The following PRXL2A variants were observed in gnomAD, a reference collection of about 807,000 sequenced individuals.
PRXL2A encodes peroxiredoxin-like 2A.
PRXL2A carries 26 observed loss-of-function variants against 25.6 expected under a neutral mutation model. The ratio of observed to expected loss-of-function variants is 1.02; its 90% confidence interval spans 0.74 to 1.41. The LOEUF is 1.41. PRXL2A is among the 40% of genes most tolerant of loss of function. The pLI is 0.00. For missense variants in PRXL2A, 246 were observed against 273.9 expected (o/e 0.90, Z 0.72); for synonymous variants, 98 against 102.9 (o/e 0.95, Z 0.29).
chr10:80,417,628 C>G (rs1037680864), intron 1 of PRXL2A, among the ~76,000 whole-genome samples: 1 of 152,142 alleles, frequency 6.6e-6, no homozygotes, highest in African/African-American at 2.4e-5. Context: ...CACACAGGCA[C>G]TGATTTTCCC....
At chr10:80,408,457 C>G (rs1178813082), upstream of PRXL2A, 1 of 152,454 alleles carries the variant, frequency 6.6e-6, no homozygotes, top group Non-Finnish European at 1.5e-5. Context: ...CGGGGGCAGG[C>G]CCGGAGCTCC....
chr10:80,436,950 T>C lies in PRXL2A; in HGVS notation c.*4851T>C, dbSNP rs1202439655. ...TTGCTGGGTTTCCCCTCTCAGTCTA[T>C]TACTATTAGATCATACCCTTCTTGT... On this transcript the variant is annotated 3_prime_UTR_variant, in exon 6 of 6. Transcript: ENST00000606162. 6.6e-6 allele frequency: 1 copy of C among 152,276 alleles called. No homozygotes were observed. The highest frequency in any genetic ancestry group is 2.4e-5 in the African/African-American group (1 of 41,434). 9.4% of individuals were successfully genotyped at this position (152,276 alleles called of 1,614,324 possible). A position where few individuals can be genotyped will look rare whatever the true frequency, so the allele number is the denominator to read the frequency against.
At chr10:80,412,610 A>C (rs1432677701) in intron 1 of PRXL2A, among the ~76,000 whole-genome samples, 1 of 152,196 alleles carries the variant, frequency 6.6e-6, no homozygotes, top group African/African-American at 2.4e-5. Context: ...GTGCGCACAC[A>C]CATGCACGCT....
chr10:80,409,069 G>A (rs1043581553), intron 1 of PRXL2A: 2 of 985,456 alleles, frequency 2.0e-6, no homozygotes, highest in Non-Finnish European at 2.4e-6. Flanking sequence ...CCAGCCCCAG[G>A]TGCGGACCTG....
intron 3 of PRXL2A, among the ~76,000 whole-genome samples, chr10:80,423,006 C>T (rs1013131883): frequency 3.9e-5 from 6 of 152,194 alleles, no homozygotes; most frequent in African/African-American, 1.4e-4. Context: ...CAGCTGAGAG[C>T]CACATTCTCA....
chr10:80,422,498 T>A lies in PRXL2A; in HGVS notation c.260T>A (p.Leu87His), dbSNP rs1473578360. 1 of 1,613,752 alleles carries A rather than the reference T, an allele frequency of 6.2e-7. No individual in the cohort carries two copies. Among genetic ancestry groups the A allele is most frequent in the Non-Finnish European group, 8.5e-7 (1 of 1,179,770 alleles). The change falls in exon 3 of 6, where the codon CTC (leucine) becomes CAC (histidine). Residue 87 changes from leucine (L) to histidine (H), a missense_variant. Physicochemically the swap from Leu to His is moderately conservative, Grantham distance 99. Coordinates refer to ENST00000606162, the MANE Select transcript of PRXL2A (RefSeq NM_032333.5). ...GCCGTGCGGAGGCCAGGCTGTTTCCTCTGTCGAGAGGTGAGTGCAGATGAG... is the reference window on the plus strand; with the variant it reads ...GCCGTGCGGAGGCCAGGCTGTTTCCACTGTCGAGAGGTGAGTGCAGATGAG... ...IMAVRRPGCF[L>H]CREEAADLSS...
chr10:80,428,648 G>A (rs1845132595), intron 5 of PRXL2A, among the ~76,000 whole-genome samples: 1 of 152,078 alleles, frequency 6.6e-6, no homozygotes, highest in Admixed American at 6.6e-5. Flanking sequence ...CAGCCTAGGG[G>A]ACAGGGCAAG....
chr10:80,422,154 A>G (rs553092137), intron 2 of PRXL2A, among the ~76,000 whole-genome samples: 158 of 152,328 alleles, frequency 1.0e-3, no homozygotes, highest in African/African-American at 2.3e-3. Flanking sequence ...CTGAATGTTC[A>G]GGTTAGAAAA....
intron 2 of PRXL2A, among the ~76,000 whole-genome samples, chr10:80,420,855 T>C (rs1844838955): frequency 6.6e-6 from 1 of 152,248 alleles, no homozygotes. Context: ...TGTGTACATA[T>C]TACGTAGTTG....
chr10:80,425,997 G>T lies in PRXL2A; in HGVS notation c.402G>T (p.Leu134=). ...CTTATTTCAAAGGAGAAATCTTCCT[G>T]GATGAAAAGGTGTGTGTGATGGGAG... ...FQPYFKGEIF[L]DEKKKFYGPQ... is the part of the protein sequence containing the mutation. The change falls in exon 4 of 6, where the codon CTG becomes CTT. Residue 134 remains leucine, a synonymous_variant. Transcript: ENST00000606162. 1 of 1,614,248 alleles carries T rather than the reference G, an allele frequency of 6.2e-7. No homozygotes were observed. Among genetic ancestry groups the T allele is most frequent in the East Asian group, 2.2e-5 (1 of 44,880 alleles).
At position 80,429,787 on chromosome 10, in the gene PRXL2A, C is replaced by T. The variant is rs1419472684; in HGVS notation, c.577-2199C>T. On this transcript the variant is annotated intron_variant, in intron 5 of 5. Coordinates refer to ENST00000606162, the MANE Select transcript of PRXL2A (RefSeq NM_032333.5). ...CCCCAGTGGATTGCCCATCCTCTTC[C>T]CACTCTGACAACGTGGGGTTCCTTC... 5.3e-5 allele frequency among the ~76,000 whole-genome samples: 8 copies of T among 152,302 alleles called. No homozygotes were observed. In the East Asian group the frequency reaches 1.4e-3, roughly 26 times the overall value.
chr10:80,432,166 T>G lies in PRXL2A; in HGVS notation c.*67T>G. The stretch of plus-strand genomic sequence containing the variant: ...ACCTGTGTTCATGGGATGTATTGTT[T>G]CCACTCGTGTCCCTAAGGAGTGAGA... On this transcript the variant is annotated 3_prime_UTR_variant, in exon 6 of 6. Coordinates refer to ENST00000606162, the MANE Select transcript of PRXL2A (RefSeq NM_032333.5). 1 of 898,588 alleles carries G rather than the reference T, an allele frequency of 1.1e-6. No individual in the cohort carries two copies. Among genetic ancestry groups the G allele is most frequent in the Non-Finnish European group, 1.8e-6 (1 of 557,244 alleles). The allele number at this position is 898,588 out of a possible 1,614,324, so 55.7% of individuals were successfully genotyped here.
At chr10:80,425,745 C>CT (rs1431729632) in intron 3 of PRXL2A, 121 bp from the exon 4 acceptor site, 1 of 1,274,132 alleles carries the variant, frequency 7.8e-7, no homozygotes, top group Admixed American at 2.1e-5. Context: ...TAACAGGAGC[C>CT]TTGCCTCTGC....
At chr10:80,419,772 A>G (rs1038112029) in intron 1 of PRXL2A, among the ~76,000 whole-genome samples, 5 of 152,162 alleles carry the variant, frequency 3.3e-5, no homozygotes, top group African/African-American at 1.2e-4. Context: ...CTATGGTTTC[A>G]TGTATTCTCT....
At chr10:80,408,937 C>G (rs1487951370) in intron 1 of PRXL2A, 1 of 712,332 alleles carries the variant, frequency 1.4e-6, no homozygotes, top group East Asian at 1.3e-4. Context: ...CTAGGGCCCC[C>G]TCTGTCCACG....
chr10:80,420,563 C>T lies in PRXL2A; in HGVS notation c.96C>T (p.Ala32=). The change falls in exon 2 of 6, where the codon GCC becomes GCT. Residue 32 remains alanine, a synonymous_variant. Transcript: ENST00000606162. ...CTGCTGCCTTGGCATTGCTGCTTGC[C>T]AACACAGACGTGTTTCTGTCCAAGC... is the stretch of plus-strand genomic sequence containing the variant. The part of the protein sequence containing the change: ...LGAAALALLL[A]NTDVFLSKPQ... 2 of 1,614,082 alleles carry T rather than the reference C, an allele frequency of 1.2e-6. No individual in the cohort carries two copies. The highest frequency in any genetic ancestry group is 1.3e-5 in the African/African-American group (1 of 75,052).
In PRXL2A at chr10:80,432,149, T is replaced by C; in HGVS notation, c.*50T>C. ...GATAACCAGGGACATTCACCTGTGT[T>C]CATGGGATGTATTGTTTCCACTCGT... On this transcript the variant is annotated 3_prime_UTR_variant, in exon 6 of 6. Coordinates refer to ENST00000606162, the MANE Select transcript of PRXL2A (RefSeq NM_032333.5). 1 of 1,107,116 alleles carries C rather than the reference T, an allele frequency of 9.0e-7. No homozygotes were observed. The allele number at this position is 1,107,116 out of a possible 1,614,324, so 68.6% of individuals were successfully genotyped here. A position where few individuals can be genotyped will look rare whatever the true frequency, so the allele number is the denominator to read the frequency against.
intron 1 of PRXL2A, among the ~76,000 whole-genome samples, chr10:80,413,078 C>T (rs764068676): frequency 1.1e-4 from 17 of 152,056 alleles, no homozygotes; most frequent in Non-Finnish European, 2.4e-4. Flanking sequence ...CTTCCTGAGT[C>T]GATGTAGGCA....
In PRXL2A at chr10:80,408,584, T is replaced by C. The variant is rs1040211343; in HGVS notation, c.-62T>C. 3.3e-5 allele frequency: 5 copies of C among 152,126 alleles called. No individual in the cohort carries two copies. The highest frequency in any genetic ancestry group is 1.2e-4 in the African/African-American group (5 of 41,396). The allele number at this position is 152,126 out of a possible 1,614,324, so 9.4% of individuals were successfully genotyped here. ...CTGGGACCCTCCGGGCCGGGCGGTT[T>C]GGCCCCTTAGCGCCCGGGCGTCGGG... On this transcript the variant is annotated 5_prime_UTR_variant, in exon 1 of 6. Coordinates refer to ENST00000606162, the MANE Select transcript of PRXL2A (RefSeq NM_032333.5).
Sources: gnomAD v4.1 joint callset for allele counts (sites outside exome capture counted in the v4.1 genomes callset) on GRCh38, gnomAD v4.1.1 for gene constraint, MANE v1.5 for transcripts, NCBI Gene and HGNC (gene_info 2026-07-23, HGNC 2026-07-21) for gene names.